PRDM12: variants seen among roughly 807,000 people sequenced by gnomAD.
PRDM12 encodes PR domain zinc finger protein 12.
Under a neutral mutation model 29.6 loss-of-function variants are expected in PRDM12, and 17 were observed. The ratio of observed to expected loss-of-function variants is 0.57; its 90% CI spans 0.39 to 0.86. The LOEUF (loss-of-function observed/expected upper bound fraction) is 0.86, where lower values mean the gene tolerates loss of function less well. Among genes scored for constraint, PRDM12 ranks in the 40% least tolerant of loss-of-function variants. The pLI, the probability that PRDM12 is intolerant of heterozygous loss-of-function variation, is 0.00. For missense variants in PRDM12, 422 were observed against 510.8 expected (o/e 0.83, Z 1.68); for synonymous variants, 231 against 225.8 (o/e 1.02, Z -0.21).
chr9:130,671,048 G>T (rs1830784432), intron 3 of PRDM12, among the ~76,000 whole-genome samples: 1 of 152,048 alleles, frequency 6.6e-6, no homozygotes, highest in African/African-American at 2.4e-5. Flanking sequence ...AATTTAAGTT[G>T]AAAAAAGAGG....
At position 130,682,318 on chromosome 9, in the gene PRDM12, C is replaced by T. The variant is rs1830914513; in HGVS notation, c.*649C>T. 1 of 152,318 alleles carries T rather than the reference C, an allele frequency of 6.6e-6. No individual in the cohort carries two copies. The allele number at this position is 152,318 out of a possible 1,614,324, so 9.4% of individuals were successfully genotyped here. A position where few individuals can be genotyped will look rare whatever the true frequency, so the allele number is the denominator to read the frequency against. ...GGCCAGCTTACCCCCAAACCTGGCT[C>T]CTGGGGACGGATGAGGAAGGAGCTC... On this transcript the variant is annotated 3_prime_UTR_variant, in exon 5 of 5. Coordinates refer to ENST00000253008, the MANE Select transcript of PRDM12 (RefSeq NM_021619.3). The surrounding 1 kb of genome is among the most constrained non-coding windows in gnomAD (Gnocchi z 4.2).
intron 3 of PRDM12, among the ~76,000 whole-genome samples, chr9:130,674,305 G>A (rs1209171958): frequency 3.3e-5 from 5 of 151,244 alleles, no homozygotes; most frequent in Admixed American, 6.6e-5. Flanking sequence ...GAGCCACTGC[G>A]CCCGGCCCAA....
intron 1 of PRDM12, among the ~76,000 whole-genome samples, chr9:130,665,993 G>A (rs922175057): frequency 5.3e-5 from 8 of 152,332 alleles, no homozygotes; most frequent in African/African-American, 1.9e-4. Context: ...GCACCCCAGG[G>A]CCTGGGAGCA....
intron 3 of PRDM12, among the ~76,000 whole-genome samples, chr9:130,675,575 G>T (rs186136817): frequency 1.4e-4 from 21 of 152,308 alleles, no homozygotes; most frequent in African/African-American, 4.3e-4. Context: ...AGAGGTTGGC[G>T]AGCTCCAGGA....
Position 130,664,953 on chromosome 9 carries a change from G to A in PRDM12, c.223+77G>A, listed in dbSNP as rs1830717935. The A allele has an allele frequency of 1.4e-6, 2 of 1,383,264 alleles. No individual in the cohort carries two copies. Among genetic ancestry groups the A allele is most frequent in the African/African-American group, 1.5e-5 (1 of 68,872 alleles). 85.7% of individuals were successfully genotyped at this position (1,383,264 alleles called of 1,614,324 possible). ...TTCCCGTCCTGGCGATGCGCGAGAC[G>A]CGGCTGGGATACCCGGCCTCGCTGC... On this transcript the variant is annotated intron_variant, in intron 1 of 4. Coordinates refer to ENST00000253008, the MANE Select transcript of PRDM12 (RefSeq NM_021619.3). This position sits in a 1 kb window ranked among gnomAD's most constrained non-coding sequence, Gnocchi z 6.4.
chr9:130,674,576 C>G (rs1280379782), intron 3 of PRDM12, among the ~76,000 whole-genome samples: 1 of 149,994 alleles, frequency 6.7e-6, no homozygotes, highest in African/African-American at 2.5e-5. Flanking sequence ...AAGTCAGAGG[C>G]ATGATGTAGA....
intron 3 of PRDM12, among the ~76,000 whole-genome samples, chr9:130,673,209 G>A (rs548826459): frequency 4.7e-4 from 72 of 152,374 alleles, no homozygotes; most frequent in Middle Eastern, 3.4e-3. Context: ...TGCCGAGGGG[G>A]CCTAGAGGGC....
chr9:130,676,922 T>C (rs541905968), intron 3 of PRDM12, among the ~76,000 whole-genome samples: 7 of 151,654 alleles, frequency 4.6e-5, no homozygotes, highest in African/African-American at 1.2e-4. Context: ...CTTTTTTTTT[T>C]CCTTGAGACA....
Position 130,674,648 on chromosome 9 carries a change from A to T in PRDM12, c.571-3881A>T, listed in dbSNP as rs538951740. On this transcript the variant is annotated intron_variant, in intron 3 of 4. Transcript: ENST00000253008. ...ATTTTAAAATAGTCTCGAAATGGCA[A>T]ACGCTTCTGGGGAAAGACAAGCAGC... is the stretch of plus-strand genomic sequence containing the variant. Among the ~76,000 whole-genome samples, 17 of 152,222 alleles carry T rather than the reference A, an allele frequency of 1.1e-4. No individual in the cohort carries two copies. In the East Asian group the frequency reaches 3.3e-3, roughly 29 times the overall value.
rs189379154 is a variant in PRDM12, at chr9:130,677,623, C to T, written c.571-906C>T. 3.2e-3 allele frequency among the ~76,000 whole-genome samples: 482 copies of T among 152,334 alleles called. 1 individual carries two copies. Among genetic ancestry groups the T allele is most frequent in the Non-Finnish European group, 3.1e-3 (211 of 68,024 alleles). On this transcript the variant is annotated intron_variant, in intron 3 of 4. Coordinates refer to ENST00000253008, the MANE Select transcript of PRDM12 (RefSeq NM_021619.3). The stretch of plus-strand genomic sequence containing the variant: ...ATAGGATGTCCCTTCTCTCATACGC[C>T]CTGCCTGGCTAGGGCCTGGAGCTTC...
chr9:130,666,913 C>A (rs954896027), intron 2 of PRDM12, 115 bp downstream of exon 2: 2 of 1,370,054 alleles, frequency 1.5e-6, no homozygotes, highest in East Asian at 2.7e-5. Context: ...GGCGGACACT[C>A]CTGGCCTGGA....
At chr9:130,674,390 C>G (rs1379434888) in intron 3 of PRDM12, among the ~76,000 whole-genome samples, 1 of 152,038 alleles carries the variant, frequency 6.6e-6, no homozygotes, top group East Asian at 1.9e-4. Flanking sequence ...CTCAAGTGAT[C>G]TACCCACCTC....
At chr9:130,666,257 G>T (rs1008306112) in intron 1 of PRDM12, among the ~76,000 whole-genome samples, 1 of 152,224 alleles carries the variant, frequency 6.6e-6, no homozygotes, top group Non-Finnish European at 1.5e-5. Flanking sequence ...GCATAAAACC[G>T]CTCGCTGCCG....
At chr9:130,674,746 T>C (rs1545229) in intron 3 of PRDM12, among the ~76,000 whole-genome samples, 81,500 of 151,940 alleles carry the variant, frequency 0.54, 22,616 homozygotes, top group East Asian at 0.94. Flanking sequence ...TATATGTTTA[T>C]ACAATGCGGT....
chr9:130,666,489 G>T (rs1289008048), intron 1 of PRDM12, 119 bp from the exon 2 acceptor site: 29 of 1,330,350 alleles, frequency 2.2e-5, no homozygotes, highest in Non-Finnish European at 2.9e-5. Context: ...TCTGGATTTG[G>T]GGCCGACTTG....
At chr9:130,680,659 A>ATATTTTTTTTTTTTT in intron 4 of PRDM12, among the ~76,000 whole-genome samples, 16 of 72,160 alleles carry the variant, frequency 2.2e-4, no homozygotes, top group African/African-American at 1.2e-3. Flanking sequence ...ATATATATAT[A>ATATTTTTTTTTTTTT]TTTTTTTTTT....
At position 130,664,886 on chromosome 9, in the gene PRDM12, G is replaced by T; in HGVS notation, c.223+10G>T. 1 of 1,519,132 alleles carries T rather than the reference G, an allele frequency of 6.6e-7. No homozygotes were observed. 94.1% of individuals were successfully genotyped at this position (1,519,132 alleles called of 1,614,324 possible). The stretch of plus-strand genomic sequence containing the variant: ...CAGTCCTTCTCCGGCGGTGAGTCCA[G>T]CCGTCGGAGCCCGGCGCAATCCCTC... On this transcript the variant is annotated intron_variant, in intron 1 of 4. Transcript: ENST00000253008. The surrounding 1 kb of genome is among the most constrained non-coding windows in gnomAD (Gnocchi z 6.4).
chr9:130,668,367 G>A lies in PRDM12; in HGVS notation c.570+54G>A. 5.6e-6 allele frequency: 9 copies of A among 1,605,970 alleles called. No homozygotes were observed. The highest frequency in any genetic ancestry group is 1.7e-5 in the Admixed American group (1 of 59,880). Reference sequence around the variant, plus strand: ...AGGGACCAGCCGGTAAACCCGGCGGGGGGAGGTGTGCAGGGCAGCGGTGTC... The same window carrying A: ...AGGGACCAGCCGGTAAACCCGGCGGAGGGAGGTGTGCAGGGCAGCGGTGTC... On this transcript the variant is annotated intron_variant, in intron 3 of 4. Coordinates refer to ENST00000253008, the MANE Select transcript of PRDM12 (RefSeq NM_021619.3). This position sits in a 1 kb window ranked among gnomAD's most constrained non-coding sequence, Gnocchi z 4.0.
In PRDM12 at chr9:130,681,942, GC is replaced by G; in HGVS notation, c.*278del. ...GGAGGGGGTCCCCCTGCCTGGCCTC[GC>G]CCCCGAGTCTCCCTGCTGCTGTAGA... On this transcript the variant is annotated 3_prime_UTR_variant, in exon 5 of 5. Coordinates refer to ENST00000253008, the MANE Select transcript of PRDM12 (RefSeq NM_021619.3). The surrounding 1 kb of genome is among the most constrained non-coding windows in gnomAD (Gnocchi z 8.1). The G allele has an allele frequency of 5.8e-6, 1 of 171,600 alleles. No homozygotes were observed. Among genetic ancestry groups the G allele is most frequent in the Non-Finnish European group, 1.2e-5 (1 of 85,916 alleles). 10.6% of individuals were successfully genotyped at this position (171,600 alleles called of 1,614,324 possible).
Sources: allele counts gnomAD v4.1 joint callset (sites outside exome capture counted in the v4.1 genomes callset), GRCh38; gene constraint gnomAD v4.1.1; non-coding constraint Gnocchi (gnomAD v3.1); transcripts MANE v1.5; gene names NCBI Gene and HGNC (gene_info 2026-07-23, HGNC 2026-07-21).